GYS2: variants seen among roughly 807,000 people sequenced by gnomAD.
The protein encoded by GYS2 is glycogen [starch] synthase, liver.
In GYS2, 80 loss-of-function variants were observed where a neutral mutation model predicts 85.6. The observed-to-expected ratio is 0.93, with a 90% CI of 0.78 to 1.13. The LOEUF is 1.13. Ranked by LOEUF, GYS2 falls within the 50% of genes most tolerant of loss-of-function variation. GYS2 has a pLI of 0.00. For synonymous variants in GYS2, 328 were observed against 300.7 expected (o/e 1.09, Z -0.94); for missense variants, 881 against 854.9 (o/e 1.03, Z -0.38).
chr12:21,533,330 G>T (rs1164978402), downstream of GYS2, among the ~76,000 whole-genome samples: 1 of 152,164 alleles, frequency 6.6e-6, no homozygotes, highest in Non-Finnish European at 1.5e-5. Context: ...GGCTTGTTCA[G>T]ATTAGCCTCC....
intron 3 of GYS2, 109 bp from the exon 4 acceptor site, chr12:21,574,435 T>G (rs576091491): frequency 2.0e-5 from 16 of 806,304 alleles, no homozygotes; most frequent in East Asian, 1.6e-4. Context: ...TTTTGCAACT[T>G]AAAGGAGTCG....
At chr12:21,598,776 C>T (rs1401537866) in intron 1 of GYS2, among the ~76,000 whole-genome samples, 1 of 152,054 alleles carries the variant, frequency 6.6e-6, no homozygotes, top group Non-Finnish European at 1.5e-5. Context: ...GATCGTTTTA[C>T]CACAGCGTAG....
intron 8 of GYS2, among the ~76,000 whole-genome samples, chr12:21,559,951 C>T (rs1053010629): frequency 3.9e-5 from 6 of 152,024 alleles, no homozygotes; most frequent in African/African-American, 1.4e-4. Flanking sequence ...TTTTTTGCTT[C>T]ATGATGATTG....
intron 5 of GYS2, among the ~76,000 whole-genome samples, chr12:21,565,965 A>G (rs1944315906): frequency 6.6e-6 from 1 of 152,318 alleles, no homozygotes; most frequent in Admixed American, 6.5e-5. Context: ...TAAAGGGAAA[A>G]TGACAAATTT....
intron 1 of GYS2, among the ~76,000 whole-genome samples, chr12:21,580,793 C>T (rs902563489): frequency 9.9e-5 from 15 of 152,156 alleles, no homozygotes; most frequent in African/African-American, 3.4e-4. Flanking sequence ...AGGTCAAATA[C>T]CTCAAAAAGA....
At chr12:21,565,546 C>T (rs1016278262) in intron 5 of GYS2, among the ~76,000 whole-genome samples, 9 of 148,014 alleles carry the variant, frequency 6.1e-5, no homozygotes, top group African/African-American at 2.2e-4. Context: ...AACCTAAAAT[C>T]ATAGTAAAAT....
At chr12:21,581,445 C>T (rs190483001) in intron 1 of GYS2, among the ~76,000 whole-genome samples, 1 of 152,118 alleles carries the variant, frequency 6.6e-6, no homozygotes, top group African/African-American at 2.4e-5. Flanking sequence ...TCATGTACCC[C>T]CTTAGAGTTG....
In GYS2 at chr12:21,587,314, G is replaced by A. The variant is rs371774193; in HGVS notation, c.122-6791C>T. Reference sequence around the variant, plus strand: ...TGCAACATACATATGTAAGGAACCCGAGCTTGTACCCTGATACAGCTTGAC... The same window carrying A: ...TGCAACATACATATGTAAGGAACCCAAGCTTGTACCCTGATACAGCTTGAC... On this transcript the variant is annotated intron_variant, in intron 1 of 15. Transcript: ENST00000261195. Among the ~76,000 whole-genome samples the A allele has an allele frequency of 1.9e-3, 290 of 152,240 alleles. 10 individuals are homozygous for A. The South Asian group carries it at 0.041, about 21-fold the overall frequency.
intron 11 of GYS2, among the ~76,000 whole-genome samples, chr12:21,553,761 A>C (rs1181442770): frequency 6.6e-6 from 1 of 150,536 alleles, no homozygotes. Flanking sequence ...TATATTTAAA[A>C]TAAGTTAACA....
intron 1 of GYS2, among the ~76,000 whole-genome samples, chr12:21,586,307 T>C (rs918816974): frequency 6.6e-6 from 1 of 152,142 alleles, no homozygotes; most frequent in Non-Finnish European, 1.5e-5. Flanking sequence ...GTCCTTCAGC[T>C]TTGGGACTTG....
intron 11 of GYS2, among the ~76,000 whole-genome samples, chr12:21,555,233 A>G (rs1393165100): frequency 1.3e-5 from 2 of 152,194 alleles, no homozygotes; most frequent in Non-Finnish European, 2.9e-5. Flanking sequence ...CCTAGTTAGT[A>G]CTGACATACT....
At chr12:21,560,796 G>C (rs745862166) in intron 7 of GYS2, among the ~76,000 whole-genome samples, 2 of 151,952 alleles carry the variant, frequency 1.3e-5, no homozygotes, top group African/African-American at 2.4e-5. Context: ...TGACCATCTA[G>C]AATAGATAAC....
intron 4 of GYS2, among the ~76,000 whole-genome samples, chr12:21,569,600 A>G (rs1177785352): frequency 6.6e-6 from 1 of 152,228 alleles, no homozygotes; most frequent in Non-Finnish European, 1.5e-5. Context: ...TAACTTAAAA[A>G]AAGTCAAATT....
chr12:21,580,164 G>A (rs1227176841), intron 2 of GYS2, among the ~76,000 whole-genome samples, 178 bp downstream of exon 2: 1 of 152,084 alleles, frequency 6.6e-6, no homozygotes, highest in African/African-American at 2.4e-5. Context: ...CTTCCTCCTC[G>A]GTTTTCACAA....
At chr12:21,545,732 A>C (rs1944030793) in intron 12 of GYS2, among the ~76,000 whole-genome samples, 4 of 152,232 alleles carry the variant, frequency 2.6e-5, no homozygotes, top group Admixed American at 2.6e-4. Context: ...AGGGTGAAGA[A>C]GGAGGAGTTT....
At chr12:21,601,801 G>A (rs976136571) in intron 1 of GYS2, among the ~76,000 whole-genome samples, 6 of 151,866 alleles carry the variant, frequency 4.0e-5, no homozygotes, top group Non-Finnish European at 2.9e-5. Context: ...TATCTCCCTC[G>A]CCTCTCAGTG....
At chr12:21,585,422 G>A (rs558854263) in intron 1 of GYS2, among the ~76,000 whole-genome samples, 4 of 152,286 alleles carry the variant, frequency 2.6e-5, no homozygotes, top group South Asian at 2.1e-4. Flanking sequence ...ATGGAGGTAA[G>A]GAAGCGTATG....
In GYS2 at chr12:21,554,621, C is replaced by T. The variant is rs116526339; in HGVS notation, c.1422+3579G>A. 4.8e-3 allele frequency among the ~76,000 whole-genome samples: 733 copies of T among 152,074 alleles called. 4 individuals carry two copies. The highest frequency in any genetic ancestry group is 0.017 in the African/African-American group (712 of 41,450). On this transcript the variant is annotated intron_variant, in intron 11 of 15. Coordinates refer to ENST00000261195, the MANE Select transcript of GYS2 (RefSeq NM_021957.4). ...TAACTATAGCAGATATAAAGTGTCT[C>T]GAGAATACAGATAAGGAAACAACCG...
At chr12:21,575,758 A>C in intron 3 of GYS2, 108 bp downstream of exon 3, 2 of 855,650 alleles carry the variant, frequency 2.3e-6, no homozygotes, top group South Asian at 2.7e-5. Context: ...GACAAGCCAT[A>C]ATGGCATCAT....
Sources: gnomAD v4.1 joint callset for allele counts (sites outside exome capture counted in the v4.1 genomes callset) on GRCh38, gnomAD v4.1.1 for gene constraint, MANE v1.5 for transcripts, NCBI Gene and HGNC (gene_info 2026-07-23, HGNC 2026-07-21) for gene names.